The following RAB3C variants were observed in gnomAD, a reference collection of about 807,000 sequenced individuals.
RAB3C encodes the protein RAB3C, member RAS oncogene family.
A neutral mutation model predicts 26.4 loss-of-function variants in RAB3C; 17 were observed. That is an observed-to-expected ratio of 0.64 (90% CI 0.44 to 0.97). The LOEUF (loss-of-function observed/expected upper bound fraction) is 0.97, where lower values mean the gene tolerates loss of function less well. Ranked by LOEUF, RAB3C falls within the 50% of genes least tolerant of loss-of-function variation. The pLI, the probability that RAB3C is intolerant of heterozygous loss-of-function variation, is 0.00. For missense variants in RAB3C, 242 were observed against 281.9 expected, an observed-to-expected ratio of 0.86 and a Z score of 1.01; for synonymous variants, 91 against 95.9, an observed-to-expected ratio of 0.95 and a Z score of 0.30.
chr5:58,648,641 G>C (rs1049127159), intron 2 of RAB3C, among the ~76,000 whole-genome samples: 1 of 152,170 alleles, frequency 6.6e-6, no homozygotes, highest in African/African-American at 2.4e-5. Flanking sequence ...GCCTCTAAGA[G>C]AGACAAGTCT....
At chr5:58,725,093 C>T (rs1740858542) in intron 2 of RAB3C, among the ~76,000 whole-genome samples, 2 of 151,832 alleles carry the variant, frequency 1.3e-5, no homozygotes, top group Admixed American at 1.3e-4. Flanking sequence ...AATTGAAGAA[C>T]TCCCTTTAGC....
intron 2 of RAB3C, among the ~76,000 whole-genome samples, chr5:58,651,554 A>G (rs1172011765): frequency 6.6e-6 from 1 of 152,240 alleles, no homozygotes; most frequent in African/African-American, 2.4e-5. Context: ...GTAGTAATAT[A>G]TAATTTATTA....
chr5:58,660,779 A>G (rs367665568), intron 2 of RAB3C, among the ~76,000 whole-genome samples: 1 of 150,310 alleles, frequency 6.7e-6, no homozygotes, highest in Non-Finnish European at 1.5e-5. Flanking sequence ...CAAGTCTGCC[A>G]TTTTAGATTC....
chr5:58,691,021 T>C (rs1011170934), intron 2 of RAB3C, among the ~76,000 whole-genome samples: 1 of 152,164 alleles, frequency 6.6e-6, no homozygotes, highest in Admixed American at 6.6e-5. Flanking sequence ...GCCACTTTTG[T>C]ATGTGCTTAT....
chr5:58,658,523 G>A lies in RAB3C; in HGVS notation c.252+40653G>A, dbSNP rs1747829940. Among the ~76,000 whole-genome samples, 3 of 152,158 alleles carry A rather than the reference G, an allele frequency of 2.0e-5. No individual in the cohort carries two copies. In the South Asian group the frequency reaches 6.2e-4, roughly 32 times the overall value. On this transcript the variant is annotated intron_variant, in intron 2 of 4. Transcript: ENST00000282878. ...AGCAGCCTACTGGAAATTATGCCAT[G>A]GTTAATGAAAAGATAAAAACATTCC...
intron 3 of RAB3C, among the ~76,000 whole-genome samples, chr5:58,775,872 C>T (rs952343814): frequency 6.6e-6 from 1 of 152,104 alleles, no homozygotes; most frequent in African/African-American, 2.4e-5. Context: ...TGTTACTCAT[C>T]ATTTCCCCAA....
intron 2 of RAB3C, among the ~76,000 whole-genome samples, chr5:58,716,091 GA>G (rs35992106): frequency 0.43 from 61,382 of 141,394 alleles, 13,062 homozygotes; most frequent in Non-Finnish European, 0.45. Context: ...CTTTCAGCAG[GA>G]AAAAAAAAAA....
At chr5:58,595,226 G>T (rs536101015) in intron 1 of RAB3C, among the ~76,000 whole-genome samples, 1 of 152,276 alleles carries the variant, frequency 6.6e-6, no homozygotes, top group South Asian at 2.1e-4. Context: ...TAGGGTGCTT[G>T]CAGTGAGTTA....
rs1401357389 is a variant in RAB3C at position 58,756,038 on chromosome 5, A to G, written c.371+29918A>G. Among the ~76,000 whole-genome samples, 22 of 152,012 alleles carry G rather than the reference A, an allele frequency of 1.4e-4. No homozygotes were observed. In the South Asian group the frequency reaches 4.4e-3, roughly 30 times the overall value. On this transcript the variant is annotated intron_variant, in intron 3 of 4. Transcript: ENST00000282878. ...TTTGGAAAAAATTTAAATTTTATAG[A>G]TAAGTTGCAAATATAAAAAGAGTGT...
At chr5:58,613,136 G>A (rs532670830) in intron 1 of RAB3C, among the ~76,000 whole-genome samples, 32 of 152,134 alleles carry the variant, frequency 2.1e-4, no homozygotes, top group Non-Finnish European at 1.0e-4. Context: ...AGAGGTAACC[G>A]ATTTGGTTCC....
At chr5:58,688,844 G>A (rs558574276) in intron 2 of RAB3C, among the ~76,000 whole-genome samples, 21 of 152,222 alleles carry the variant, frequency 1.4e-4, no homozygotes, top group East Asian at 1.9e-4. Context: ...GGATCCAATC[G>A]TGATTTCTGT....
chr5:58,726,179 T>G (rs2111920576), intron 3 of RAB3C, 59 bp downstream of exon 3: 1 of 873,776 alleles, frequency 1.1e-6, no homozygotes, highest in African/African-American at 1.7e-5. Flanking sequence ...CAACTCTGTC[T>G]TTCTTCCCAA....
intron 3 of RAB3C, among the ~76,000 whole-genome samples, chr5:58,820,464 G>A (rs1743312719): frequency 6.6e-6 from 1 of 152,172 alleles, no homozygotes; most frequent in African/African-American, 2.4e-5. Flanking sequence ...AACAACATCA[G>A]GAAGTCCAAG....
intron 3 of RAB3C, among the ~76,000 whole-genome samples, chr5:58,742,464 A>G (rs1741296391): frequency 6.6e-6 from 1 of 152,168 alleles, no homozygotes; most frequent in African/African-American, 2.4e-5. Flanking sequence ...ATTTCACAGT[A>G]TTTGATCCTA....
chr5:58,651,443 A>G (rs1199388324), intron 2 of RAB3C, among the ~76,000 whole-genome samples: 1 of 152,192 alleles, frequency 6.6e-6, no homozygotes. Context: ...GGGGTGCACG[A>G]GATAATACAT....
intron 3 of RAB3C, among the ~76,000 whole-genome samples, chr5:58,781,131 G>A (rs1246330868): frequency 6.6e-6 from 1 of 151,788 alleles, no homozygotes; most frequent in African/African-American, 2.4e-5. Context: ...ATGAATAAAT[G>A]GGAAATCAGT....
At chr5:58,639,838 T>C (rs980216431) in intron 2 of RAB3C, among the ~76,000 whole-genome samples, 1 of 152,186 alleles carries the variant, frequency 6.6e-6, no homozygotes, top group Non-Finnish European at 1.5e-5. Flanking sequence ...CTAAAACTTA[T>C]CTGTTAACTG....
At chr5:58,755,413 G>A (rs1232463586) in intron 3 of RAB3C, among the ~76,000 whole-genome samples, 2 of 152,142 alleles carry the variant, frequency 1.3e-5, no homozygotes, top group Non-Finnish European at 2.9e-5. Flanking sequence ...ATTGTGAAAT[G>A]GTGTTCATAT....
chr5:58,777,610 T>G (rs1309149283), intron 3 of RAB3C, among the ~76,000 whole-genome samples: 2 of 150,990 alleles, frequency 1.3e-5, no homozygotes, highest in East Asian at 3.9e-4. Flanking sequence ...TTTTTTTTTT[T>G]TGTACTTTAA....
Sources: gnomAD v4.1 joint callset for allele counts (sites outside exome capture counted in the v4.1 genomes callset) on GRCh38, gnomAD v4.1.1 for gene constraint, MANE v1.5 for transcripts, NCBI Gene and HGNC (gene_info 2026-07-23, HGNC 2026-07-21) for gene names.